The following ARL15 variants were observed in gnomAD, a reference collection of about 807,000 sequenced individuals.
ARL15 encodes the protein ARF like GTPase 15, also known as ADP-ribosylation factor-like protein 15.
Under a neutral mutation model 25.2 loss-of-function variants are expected in ARL15, and 19 were observed. That is an observed-to-expected ratio of 0.75 (90% CI 0.53 to 1.10). The LOEUF is 1.10. Ranked by LOEUF, ARL15 falls within the 50% of genes least tolerant of loss-of-function variation. The pLI, the probability that ARL15 is intolerant of heterozygous loss-of-function variation, is 0.00. For missense variants in ARL15, 220 were observed against 246.0 expected (o/e 0.89, Z 0.71); for synonymous variants, 94 against 86.8 (o/e 1.08, Z -0.46).
intron 1 of ARL15, among the ~76,000 whole-genome samples, chr5:54,255,583 C>T (rs6859542): frequency 0.12 from 18,686 of 152,072 alleles, 1,859 homozygotes; most frequent in African/African-American, 0.27. Flanking sequence ...ACAGGTTGAG[C>T]ACACCTAATG....
chr5:54,132,329 C>T (rs1006362519), intron 3 of ARL15, among the ~76,000 whole-genome samples: 6 of 151,888 alleles, frequency 4.0e-5, no homozygotes, highest in Admixed American at 3.9e-4. Context: ...ATATAATAAA[C>T]ATTTTAATCT....
chr5:54,026,060 A>C (rs1749778223), intron 4 of ARL15, among the ~76,000 whole-genome samples: 1 of 152,218 alleles, frequency 6.6e-6, no homozygotes, highest in African/African-American at 2.4e-5. Flanking sequence ...AGAAGTAAAT[A>C]ATTTCATGCG....
Position 54,113,356 on chromosome 5 carries a change from A to AC in ARL15, c.307dup (p.Val103GlyfsTer13). 1 of 1,613,952 alleles carries AC rather than the reference A, an allele frequency of 6.2e-7. No homozygotes were observed. The highest frequency in any genetic ancestry group is 8.5e-7 in the Non-Finnish European group (1 of 1,179,848). On this transcript the variant is annotated frameshift_variant, in exon 4 of 5. Coordinates refer to ENST00000504924, the MANE Select transcript of ARL15 (RefSeq NM_019087.3). LOFTEE classifies it high-confidence loss of function. ...AGAGGCACTGTCTAATACAAATATT[A>AC]CCCCTTGAGATCCTTGGTAGTAGCG...
At chr5:53,927,691 G>A (rs896447403) in intron 4 of ARL15, among the ~76,000 whole-genome samples, 1 of 152,164 alleles carries the variant, frequency 6.6e-6, no homozygotes, top group Non-Finnish European at 1.5e-5. Flanking sequence ...GGTCTTGGTA[G>A]CTGTGTTTGG....
At chr5:54,147,358 G>C (rs1033403184) in intron 3 of ARL15, among the ~76,000 whole-genome samples, 5 of 151,994 alleles carry the variant, frequency 3.3e-5, no homozygotes. Flanking sequence ...TTAGATAATT[G>C]AAAATGTTCT....
intron 3 of ARL15, among the ~76,000 whole-genome samples, chr5:54,130,711 T>C (rs751823859): frequency 2.0e-5 from 3 of 152,152 alleles, no homozygotes; most frequent in Non-Finnish European, 4.4e-5. Flanking sequence ...CAATGATACA[T>C]ACCTGGGAAA....
intron 1 of ARL15, among the ~76,000 whole-genome samples, chr5:54,276,285 TG>T (rs1251340710): frequency 2.6e-5 from 4 of 152,188 alleles, no homozygotes; most frequent in African/African-American, 9.7e-5. Context: ...TAAATGCTTA[TG>T]TTGGAATCTC....
At chr5:54,245,125 T>C (rs190113011) in intron 1 of ARL15, among the ~76,000 whole-genome samples, 170 of 152,300 alleles carry the variant, frequency 1.1e-3, no homozygotes, top group African/African-American at 3.8e-3. Context: ...TTCATGATAA[T>C]GTTCTATTCC....
intron 1 of ARL15, among the ~76,000 whole-genome samples, chr5:54,199,217 T>C (rs945508656): frequency 7.9e-5 from 12 of 152,140 alleles, no homozygotes; most frequent in African/African-American, 1.9e-4. Context: ...TAGGCAATAC[T>C]ATTCAGGACA....
chr5:54,208,944 G>A (rs1261054292), intron 1 of ARL15, among the ~76,000 whole-genome samples: 1 of 152,082 alleles, frequency 6.6e-6, no homozygotes, highest in Non-Finnish European at 1.5e-5. Flanking sequence ...ATTATGAAGA[G>A]GAGATTTATA....
At chr5:54,038,886 C>G (rs1750250081) in intron 4 of ARL15, among the ~76,000 whole-genome samples, 1 of 152,108 alleles carries the variant, frequency 6.6e-6, no homozygotes, top group African/African-American at 2.4e-5. Flanking sequence ...TATATTGACA[C>G]AAAAGTTAAC....
At chr5:54,088,737 T>C (rs1002500817) in intron 4 of ARL15, among the ~76,000 whole-genome samples, 3 of 152,210 alleles carry the variant, frequency 2.0e-5, no homozygotes, top group Non-Finnish European at 4.4e-5. Context: ...CTTTTCATAC[T>C]GTAAGTGTTC....
At chr5:54,185,594 G>T (rs1755213883) in intron 1 of ARL15, among the ~76,000 whole-genome samples, 2 of 152,156 alleles carry the variant, frequency 1.3e-5, no homozygotes, top group African/African-American at 4.8e-5. Context: ...TAAAAGCATG[G>T]TTAGACAAGC....
intron 1 of ARL15, among the ~76,000 whole-genome samples, chr5:54,226,594 C>G (rs903952477): frequency 6.6e-6 from 1 of 152,164 alleles, no homozygotes; most frequent in African/African-American, 2.4e-5. Flanking sequence ...TCTGAATAGA[C>G]TAATTTCAAA....
In ARL15 at chr5:53,933,056, T is replaced by G. The variant is rs567295728; in HGVS notation, c.463-46343A>C. 2.4e-4 allele frequency among the ~76,000 whole-genome samples: 37 copies of G among 152,262 alleles called. 2 individuals carry two copies. Among genetic ancestry groups the G allele is most frequent in the Admixed American group, 2.3e-3 (35 of 15,294 alleles). On this transcript the variant is annotated intron_variant, in intron 4 of 4. Transcript: ENST00000504924. ...ACTTTAGTTTATAACAATAATAAAA[T>G]GAAAAGCTTTTATTTAGAATAGGAC...
At chr5:54,298,567 A>G (rs961075069) in intron 1 of ARL15, among the ~76,000 whole-genome samples, 6 of 151,898 alleles carry the variant, frequency 4.0e-5, no homozygotes, top group African/African-American at 9.7e-5. Flanking sequence ...CTCCAGTTCC[A>G]GCCCTTTCTC....
chr5:54,084,269 A>G (rs1437611788), intron 4 of ARL15, among the ~76,000 whole-genome samples: 1 of 152,096 alleles, frequency 6.6e-6, no homozygotes, highest in Non-Finnish European at 1.5e-5. Flanking sequence ...ATGCTTCAGA[A>G]TAGGAGCGGA....
intron 4 of ARL15, among the ~76,000 whole-genome samples, chr5:54,040,871 T>C (rs1381902460): frequency 1.3e-5 from 2 of 152,220 alleles, no homozygotes; most frequent in Non-Finnish European, 2.9e-5. Context: ...GCTCCCATAA[T>C]GAAGAAGGCT....
chr5:53,897,719 G>C (rs567023805), intron 4 of ARL15, among the ~76,000 whole-genome samples: 1 of 152,000 alleles, frequency 6.6e-6, no homozygotes, highest in Non-Finnish European at 1.5e-5. Flanking sequence ...ACTGATTTTT[G>C]TATGTTGAAA....
Sources: gnomAD v4.1 joint callset for allele counts (sites outside exome capture counted in the v4.1 genomes callset) on GRCh38, gnomAD v4.1.1 for gene constraint, MANE v1.5 for transcripts, NCBI Gene and HGNC (gene_info 2026-07-23, HGNC 2026-07-21) for gene names.